The following CCDC7 variants were observed in gnomAD, a reference collection of about 807,000 sequenced individuals.
CCDC7 encodes the protein coiled-coil domain containing 7, also known as coiled-coil domain-containing protein 7.
Under a neutral mutation model 196.9 loss-of-function variants are expected in CCDC7, and 183 were observed. The ratio of observed to expected loss-of-function variants is 0.93; its 90% CI spans 0.82 to 1.05. The LOEUF is 1.05. Among genes scored for constraint, CCDC7 ranks in the 50% least tolerant of loss-of-function variants. The pLI is 0.00. For synonymous variants in CCDC7, 525 were observed against 484.6 expected (o/e 1.08, Z -1.10); for missense variants, 1,540 against 1,482.2 (o/e 1.04, Z -0.64).
At chr10:32,659,710 G>A (rs1457397178) in intron 20 of CCDC7, among the ~76,000 whole-genome samples, 9 of 152,160 alleles carry the variant, frequency 5.9e-5, no homozygotes, top group African/African-American at 1.9e-4. Flanking sequence ...ACATGTGGCC[G>A]ACAATCATAT....
intron 11 of CCDC7, among the ~76,000 whole-genome samples, chr10:32,529,715 G>C (rs576073268): frequency 1.3e-5 from 2 of 152,330 alleles, no homozygotes; most frequent in Admixed American, 6.5e-5. Flanking sequence ...CTCCCATGCT[G>C]TGGGTTGTCT....
chr10:32,480,685 T>G (rs2039808016), intron 8 of CCDC7, among the ~76,000 whole-genome samples: 2 of 152,226 alleles, frequency 1.3e-5, no homozygotes, highest in Middle Eastern at 3.2e-3. Flanking sequence ...AGTTATTGAT[T>G]TCTAGTTTCA....
chr10:32,562,863 C>T (rs541687007), intron 13 of CCDC7, among the ~76,000 whole-genome samples: 4 of 152,118 alleles, frequency 2.6e-5, no homozygotes, highest in African/African-American at 4.8e-5. Context: ...CAAATTGTCC[C>T]TGTTTGCAGA....
At chr10:32,510,015 A>G (rs887240622) in intron 9 of CCDC7, among the ~76,000 whole-genome samples, 1 of 152,220 alleles carries the variant, frequency 6.6e-6, no homozygotes, top group Non-Finnish European at 1.5e-5. Context: ...CATATGACCC[A>G]TAAGTGCCAC....
chr10:32,753,018 A>G (rs1453924960), intron 28 of CCDC7, among the ~76,000 whole-genome samples: 1 of 152,192 alleles, frequency 6.6e-6, no homozygotes, highest in Non-Finnish European at 1.5e-5. Context: ...AATATGGGAA[A>G]TTACTAGCTT....
intron 31 of CCDC7, among the ~76,000 whole-genome samples, 178 bp downstream of exon 32, chr10:32,814,631 CT>C (rs2087972694): frequency 6.6e-6 from 1 of 152,098 alleles, no homozygotes; most frequent in Admixed American, 6.5e-5. Flanking sequence ...GTAAAATTAG[CT>C]TTTCAAAAGC....
chr10:32,781,942 T>C lies in CCDC7; in HGVS notation c.3013+2858T>C, dbSNP rs189442733. The stretch of plus-strand genomic sequence containing the variant: ...GATTCCACAAAACAACTGTTAGATA[T>C]AATAAACAAATTTAGCAAAGTTGCA... On this transcript the variant is annotated intron_variant, in intron 29 of 41. Coordinates refer to ENST00000639629, the Ensembl canonical transcript of CCDC7. Among the ~76,000 whole-genome samples the C allele has an allele frequency of 5.2e-3, 793 of 152,270 alleles. 3 individuals carry two copies. Among genetic ancestry groups the C allele is most frequent in the Non-Finnish European group, 8.9e-3 (605 of 67,992 alleles).
intron 8 of CCDC7, among the ~76,000 whole-genome samples, chr10:32,485,317 A>C (rs549511172): frequency 6.6e-6 from 1 of 152,142 alleles, no homozygotes. Context: ...AGCAGTTTGT[A>C]TTTCTGTAGG....
At chr10:32,657,977 A>G (rs145049189) in intron 20 of CCDC7, among the ~76,000 whole-genome samples, 5,899 of 152,296 alleles carry the variant, frequency 0.039, 122 homozygotes, top group Middle Eastern at 0.051. Context: ...GTATTGCAAG[A>G]GTCACCTTTA....
intron 28 of CCDC7, among the ~76,000 whole-genome samples, chr10:32,751,618 A>G (rs2075668649): frequency 6.6e-6 from 1 of 152,190 alleles, no homozygotes; most frequent in Admixed American, 6.5e-5. Flanking sequence ...ATTTTAAAGC[A>G]TATATGATAT....
chr10:32,491,818 TTA>T lies in CCDC7; in HGVS notation c.797-102_797-101del, dbSNP rs2042198706. 4 of 1,115,518 alleles carry T rather than the reference TTA, an allele frequency of 3.6e-6. No individual in the cohort carries two copies. In the South Asian group the frequency reaches 9.7e-5, roughly 27 times the overall value. The allele number at this position is 1,115,518 out of a possible 1,614,324, so 69.1% of individuals were successfully genotyped here. On this transcript the variant is annotated intron_variant, in intron 8 of 41. Transcript: ENST00000639629. ...TCATGTAGCCCATGCTAGCCCCTCTTTATGTTTGTTTAGCTTTCACATCTATA... is the reference window on the plus strand; with the variant it reads ...TCATGTAGCCCATGCTAGCCCCTCTTTGTTTGTTTAGCTTTCACATCTATA...
intron 20 of CCDC7, among the ~76,000 whole-genome samples, chr10:32,656,345 C>G (rs997237810): frequency 6.6e-6 from 1 of 152,186 alleles, no homozygotes; most frequent in Non-Finnish European, 1.5e-5. Context: ...ACTTAAGTGT[C>G]TGTGTTAGTC....
chr10:32,621,917 G>A (rs2063461339), intron 18 of CCDC7, among the ~76,000 whole-genome samples: 1 of 152,164 alleles, frequency 6.6e-6, no homozygotes, highest in Non-Finnish European at 1.5e-5. Context: ...CAGACACACT[G>A]AGAAATAATG....
At position 32,544,268 on chromosome 10, in the gene CCDC7, G is replaced by A. The variant is rs758284107; in HGVS notation, c.1101G>A (p.Glu367=). Residue 367 remains glutamate, a synonymous_variant, in exon 13 of 42, where the codon GAG becomes GAA. Coordinates refer to ENST00000639629, the Ensembl canonical transcript of CCDC7. The stretch of plus-strand genomic sequence containing the variant: ...ACAGGAAGATGTCTCCAGAAAAAGA[G>A]TTTAAAATAAAAGAAGATTTGGATC... The A allele has an allele frequency of 8.1e-6, 13 of 1,607,518 alleles. No homozygotes were observed. The African/African-American group carries it at 1.5e-4, about 18-fold the overall frequency.
intron 4 of CCDC7, 30 bp downstream of exon 5, chr10:32,462,733 A>G (rs1233360834): frequency 1.4e-6 from 2 of 1,453,350 alleles, no homozygotes; most frequent in Admixed American, 4.9e-5. Flanking sequence ...GCTTAAGCCT[A>G]CTAAAACTTA....
intron 28 of CCDC7, among the ~76,000 whole-genome samples, chr10:32,742,728 C>A (rs1040729278): frequency 5.9e-5 from 9 of 152,152 alleles, no homozygotes; most frequent in Non-Finnish European, 1.3e-4. Context: ...TGAAGAAGGG[C>A]TCTCCTTAGT....
intron 32 of CCDC7, among the ~76,000 whole-genome samples, chr10:32,829,679 G>T (rs2091890165): frequency 6.6e-6 from 1 of 152,006 alleles, no homozygotes; most frequent in Non-Finnish European, 1.5e-5. Context: ...GATGTGTACG[G>T]GTTCAAATTG....
chr10:32,621,264 C>A (rs2063377750), intron 18 of CCDC7, among the ~76,000 whole-genome samples: 1 of 152,174 alleles, frequency 6.6e-6, no homozygotes, highest in African/African-American at 2.4e-5. Flanking sequence ...CCATTACCAT[C>A]TCTTGAAGAT....
At chr10:32,454,557 A>G (rs535716306) in intron 2 of CCDC7, among the ~76,000 whole-genome samples, 9 of 151,600 alleles carry the variant, frequency 5.9e-5, no homozygotes, top group African/African-American at 1.9e-4. Context: ...ACATGTACCC[A>G]CTAAATCTAA....
Sources: gnomAD v4.1 joint callset for allele counts (sites outside exome capture counted in the v4.1 genomes callset) on GRCh38, gnomAD v4.1.1 for gene constraint, MANE v1.5 for transcripts, NCBI Gene and HGNC (gene_info 2026-07-23, HGNC 2026-07-21) for gene names.